The following TRIM40 variants were observed in gnomAD, a reference collection of about 807,000 sequenced individuals.
The protein encoded by TRIM40 is E3 ubiquitin ligase TRIM40.
Under a neutral mutation model 26.1 loss-of-function variants are expected in TRIM40, and 27 were observed. The ratio of observed to expected loss-of-function variants is 1.04; its 90% CI spans 0.76 to 1.43. The LOEUF (loss-of-function observed/expected upper bound fraction) is 1.43. Among genes scored for constraint, TRIM40 ranks in the 40% most tolerant of loss-of-function variants. The pLI, the probability that TRIM40 is intolerant of heterozygous loss-of-function variation, is 0.00. For synonymous variants in TRIM40, 114 were observed against 120.0 expected, an observed-to-expected ratio of 0.95 and a Z score of 0.33; for missense variants, 289 against 307.9, an observed-to-expected ratio of 0.94 and a Z score of 0.46.
At chr6:30,142,302 T>C (rs889885522) in intron 2 of TRIM40, among the ~76,000 whole-genome samples, 3 of 152,226 alleles carry the variant, frequency 2.0e-5, no homozygotes, top group African/African-American at 7.2e-5. Context: ...TGTCAATCAC[T>C]TTAATGTATT....
At chr6:30,144,363 A>G (rs958120279) in intron 2 of TRIM40, among the ~76,000 whole-genome samples, 4 of 152,122 alleles carry the variant, frequency 2.6e-5, no homozygotes, top group Non-Finnish European at 5.9e-5. Flanking sequence ...AGCATGTTTG[A>G]TTCTACCATA....
In TRIM40 at chr6:30,136,853, A is replaced by T. The variant is rs1479510050; in HGVS notation, c.-184A>T. 3.3e-6 allele frequency: 2 copies of T among 607,602 alleles called. No individual in the cohort carries two copies. Among genetic ancestry groups the T allele is most frequent in the East Asian group, 5.5e-5 (2 of 36,266 alleles). 37.6% of individuals were successfully genotyped at this position (607,602 alleles called of 1,614,324 possible). On this transcript the variant is annotated 5_prime_UTR_variant, in exon 2 of 6. Coordinates refer to ENST00000396581, the MANE Select transcript of TRIM40 (RefSeq NM_001286633.2). ...TGGTTTGTGTGGTCTATGTCACGGC[A>T]CCCTTGAGGGAGAGTGGGCAATTGC...
In TRIM40 at chr6:30,137,176, C is replaced by T. The variant is rs1771058040; in HGVS notation, c.140C>T (p.Ala47Val). ...ACACAGCATGTGGAGAAGGCCTCAG[C>T]CTCTGGGGTCTTCTGCTGCCCCCTC... The part of the protein sequence containing the change: ...CLTQHVEKAS[A>V]SGVFCCPLCR... The change falls in exon 2 of 6, where the codon GCC becomes GTC. Residue 47 changes from alanine to valine, a missense_variant. Transcript: ENST00000396581. 3.7e-6 allele frequency: 6 copies of T among 1,613,026 alleles called. No homozygotes were observed. Among genetic ancestry groups the T allele is most frequent in the Non-Finnish European group, 3.4e-6 (4 of 1,180,032 alleles).
chr6:30,147,375 TG>T, intron 4 of TRIM40, 144 bp from the exon 5 acceptor site: 1 of 1,382,584 alleles, frequency 7.2e-7, no homozygotes, highest in Non-Finnish European at 1.0e-6. Context: ...TGCAGCAGAA[TG>T]GGCACAGAAG....
chr6:30,140,800 T>C (rs1771302012), intron 2 of TRIM40, among the ~76,000 whole-genome samples: 1 of 152,152 alleles, frequency 6.6e-6, no homozygotes, highest in South Asian at 2.1e-4. Flanking sequence ...GAATAGATGA[T>C]GTGAAAGATA....
chr6:30,141,435 A>G (rs1771337990), intron 2 of TRIM40, among the ~76,000 whole-genome samples: 1 of 152,256 alleles, frequency 6.6e-6, no homozygotes, highest in Non-Finnish European at 1.5e-5. Context: ...AAAGGCCGTC[A>G]TTTAGATGTA....
At chr6:30,139,439 G>A (rs1771210416) in intron 2 of TRIM40, among the ~76,000 whole-genome samples, 1 of 149,928 alleles carries the variant, frequency 6.7e-6, no homozygotes, top group Non-Finnish European at 1.5e-5. Context: ...CGTCTCCCAG[G>A]TTCAAGCAAT....
chr6:30,143,951 G>C (rs936674190), intron 2 of TRIM40, among the ~76,000 whole-genome samples: 7 of 152,066 alleles, frequency 4.6e-5, no homozygotes, highest in African/African-American at 1.7e-4. Context: ...CAGATGATAG[G>C]ACTGTGGCTT....
rs1771761971 is a variant in TRIM40 at position 30,147,777 on chromosome 6, A to C, written c.742A>C (p.Ser248Arg). The change falls in exon 6 of 6, where the codon AGT becomes CGT. Residue 248 changes from serine to arginine, a missense_variant. Physicochemically the swap from Ser to Arg is moderately radical, Grantham distance 110. Transcript: ENST00000396581. The part of the protein sequence containing the change: ...VIYPQLEKGV[S>R]ELLLQPPQKL ...TTATCCCCAGTTGGAGAAAGGAGTCAGTGAATTGCTTCTTCAGCCCCCTCA... is the reference window on the plus strand; with the variant it reads ...TTATCCCCAGTTGGAGAAAGGAGTCCGTGAATTGCTTCTTCAGCCCCCTCA... 6.2e-7 allele frequency: 1 copy of C among 1,614,220 alleles called. No individual in the cohort carries two copies. The highest frequency in any genetic ancestry group is 8.5e-7 in the Non-Finnish European group (1 of 1,180,036).
At chr6:30,147,350 G>A (rs1771732371) in intron 4 of TRIM40, 141 bp downstream of exon 4, 48 of 1,354,030 alleles carry the variant, frequency 3.5e-5, no homozygotes, top group Non-Finnish European at 4.9e-5. Flanking sequence ...CTTGTTCCAG[G>A]CTACAGAGTG....
chr6:30,141,996 G>A (rs28780087), intron 2 of TRIM40, among the ~76,000 whole-genome samples: 7,363 of 152,278 alleles, frequency 0.048, 266 homozygotes, highest in South Asian at 0.13. Flanking sequence ...AAGTAACACA[G>A]AGAGGGAGGG....
At chr6:30,147,391 GT>G in intron 4 of TRIM40, 128 bp from the exon 5 acceptor site, 1 of 1,435,960 alleles carries the variant, frequency 7.0e-7, no homozygotes, top group Non-Finnish European at 9.7e-7. Context: ...CAGAAGAGGG[GT>G]GTTGCTATGT....
In TRIM40 at chr6:30,137,040, A is replaced by G; in HGVS notation, c.4A>G (p.Ile2Val). ...CTGACAGGGTAGGAACGAGGCCATG[A>G]TCCCTTTGCAGAAGGACAACCAGGA... is the stretch of plus-strand genomic sequence containing the variant. M[I>V]PLQKDNQEEG... Residue 2 changes from isoleucine (I) to valine (V), a missense_variant, in exon 2 of 6, where the codon ATC becomes GTC. Physicochemically the swap from Ile to Val is conservative, Grantham distance 29. Coordinates refer to ENST00000396581, the MANE Select transcript of TRIM40 (RefSeq NM_001286633.2). 3.1e-6 allele frequency: 5 copies of G among 1,612,424 alleles called. No homozygotes were observed. Among genetic ancestry groups the G allele is most frequent in the Non-Finnish European group, 4.2e-6 (5 of 1,179,656 alleles).
rs533874564 is a variant in TRIM40 at position 30,136,932 on chromosome 6, C to G, written c.-105C>G. 1 of 1,201,860 alleles carries G rather than the reference C, an allele frequency of 8.3e-7. No homozygotes were observed. The highest frequency in any genetic ancestry group is 1.5e-5 in the African/African-American group (1 of 65,276). The allele number at this position is 1,201,860 out of a possible 1,614,324, so 74.4% of individuals were successfully genotyped here. On this transcript the variant is annotated 5_prime_UTR_variant, in exon 2 of 6. Transcript: ENST00000396581. ...AGGCTGCTCCAGGGCTGCCTCCTTC[C>G]GACTGGGCCTTCTTATCTGGGACTG...
intron 2 of TRIM40, among the ~76,000 whole-genome samples, chr6:30,139,727 G>A (rs1771235139): frequency 6.6e-6 from 1 of 152,192 alleles, no homozygotes; most frequent in Non-Finnish European, 1.5e-5. Context: ...GAAGCTGAGG[G>A]CTGGCAGAAG....
chr6:30,139,925 C>T (rs1372941780), intron 2 of TRIM40, among the ~76,000 whole-genome samples: 1 of 152,192 alleles, frequency 6.6e-6, no homozygotes, highest in Admixed American at 6.5e-5. Flanking sequence ...TGAACAGACG[C>T]TTCTCAAAAG....
chr6:30,138,513 T>A (rs1276721074), intron 2 of TRIM40, among the ~76,000 whole-genome samples: 1 of 152,226 alleles, frequency 6.6e-6, no homozygotes, highest in East Asian at 1.9e-4. Flanking sequence ...ACTGCCTTGA[T>A]TCTTTGTGCT....
chr6:30,143,288 T>G (rs753910042), intron 2 of TRIM40, among the ~76,000 whole-genome samples: 10 of 152,202 alleles, frequency 6.6e-5, no homozygotes, highest in Non-Finnish European at 1.2e-4. Flanking sequence ...TGAGATTCTT[T>G]GCTGAGCTCA....
At position 30,137,389 on chromosome 6, in the gene TRIM40, T is replaced by C; in HGVS notation, c.345+8T>C. 1 of 1,604,698 alleles carries C rather than the reference T, an allele frequency of 6.2e-7. No homozygotes were observed. Among genetic ancestry groups the C allele is most frequent in the South Asian group, 1.1e-5 (1 of 89,864 alleles). ...GCCCTCAGCCACTACAAGGTAAGCC[T>C]GGGTCACCGCAGCCAGGCCCTGCCT... On this transcript the variant is annotated splice_region_variant and intron_variant, in intron 2 of 5. Transcript: ENST00000396581.
Sources: gnomAD v4.1 joint callset for allele counts (sites outside exome capture counted in the v4.1 genomes callset) on GRCh38, gnomAD v4.1.1 for gene constraint, MANE v1.5 for transcripts, NCBI Gene and HGNC (gene_info 2026-07-23, HGNC 2026-07-21) for gene names.